SLC28A1: variants seen among roughly 807,000 people sequenced by gnomAD.
SLC28A1 encodes solute carrier family 28 member 1.
In SLC28A1, 64 loss-of-function variants were observed where a neutral mutation model predicts 74.8. The observed-to-expected ratio is 0.86, with a 90% CI of 0.70 to 1.05. The LOEUF (loss-of-function observed/expected upper bound fraction) is 1.05, where lower values mean the gene tolerates loss of function less well. Among genes scored for constraint, SLC28A1 ranks in the 50% least tolerant of loss-of-function variants. The probability of loss-of-function intolerance (pLI) is 0.00; values close to 1 mark genes in which losing one functional copy is unlikely to be tolerated. For missense variants in SLC28A1, 828 were observed against 822.8 expected (o/e 1.01, Z -0.08); for synonymous variants, 359 against 335.0 (o/e 1.07, Z -0.78).
chr15:84,921,004 C>A lies in SLC28A1; in HGVS notation c.892C>A (p.Gln298Lys). 6.2e-7 allele frequency: 1 copy of A among 1,613,874 alleles called. No homozygotes were observed. Among genetic ancestry groups the A allele is most frequent in the East Asian group, 2.2e-5 (1 of 44,884 alleles). ...TTCCTTCTAGATTGCCTGGCTGATG[C>A]AAGTCACCATGGGCACCACAGCCAC... ...WVILKIAWLM[Q>K]VTMGTTATET... is the part of the protein sequence containing the mutation. The change falls in exon 11 of 19, where the codon CAA (glutamine) becomes AAA (lysine). Residue 298 changes from glutamine to lysine, a missense_variant. Coordinates refer to ENST00000394573, the MANE Select transcript of SLC28A1 (RefSeq NM_004213.5).
At position 84,934,067 on chromosome 15, in the gene SLC28A1, G is replaced by A. The variant is rs140280179; in HGVS notation, c.1214+792G>A. On this transcript the variant is annotated intron_variant, in intron 13 of 18. Transcript: ENST00000394573. ...AGGAATGGATTCATCCATTCAGGAG[G>A]GCAGAGCCCTCATGACCCAATCACC... 4.3e-4 allele frequency among the ~76,000 whole-genome samples: 65 copies of A among 152,296 alleles called. 1 individual carries two copies. The East Asian group carries it at 0.011, about 25-fold the overall frequency.
At chr15:84,899,940 A>AAGGAAGTAAGG (rs1966437006) in intron 6 of SLC28A1, among the ~76,000 whole-genome samples, 1 of 136,816 alleles carries the variant, frequency 7.3e-6, no homozygotes, top group South Asian at 2.6e-4. Context: ...AGAAAGAAAG[A>AAGGAAGTAAGG]AAGGAAGGAA....
chr15:84,891,806 GA>G (rs991212184), intron 5 of SLC28A1, among the ~76,000 whole-genome samples: 113 of 152,314 alleles, frequency 7.4e-4, no homozygotes, highest in African/African-American at 2.4e-3. Context: ...ATCAGGCGGG[GA>G]GGCTGAATGG....
At position 84,904,182 on chromosome 15, in the gene SLC28A1, G is replaced by T. The variant is rs781536574; in HGVS notation, c.547G>T (p.Ala183Ser). 2 of 1,614,060 alleles carry T rather than the reference G, an allele frequency of 1.2e-6. No individual in the cohort carries two copies. Among genetic ancestry groups the T allele is most frequent in the African/African-American group, 2.7e-5 (2 of 74,928 alleles). Residue 183 changes from alanine (A) to serine (S), a missense_variant, in exon 7 of 19, where the codon GCA (alanine) becomes TCA (serine). Ala to Ser is a moderately conservative substitution (Grantham distance 99). This residue lies in a region of SLC28A1 where 767 missense variants were observed against 753.5 expected (regional missense o/e 1.02). Transcript: ENST00000394573. ...GCGGCCTGAGCAACTGGTGTCCTTC[G>T]CAGGAATCTGCGTGTTCGTCGCTCT... The part of the protein sequence containing the change: ...SQRPEQLVSF[A>S]GICVFVALLF...
intron 16 of SLC28A1, 97 bp downstream of exon 16, chr15:84,943,623 G>A: frequency 1.0e-6 from 1 of 995,536 alleles, no homozygotes; most frequent in South Asian, 1.3e-5. Flanking sequence ...GTCTAAAGCA[G>A]GACCCAAACA....
chr15:84,887,247 T>A (rs925165781), intron 2 of SLC28A1: 2 of 424,498 alleles, frequency 4.7e-6, no homozygotes, highest in East Asian at 3.1e-4. Flanking sequence ...GAAAGCTAGG[T>A]CCTCTCTTCA....
downstream of SLC28A1, among the ~76,000 whole-genome samples, chr15:84,950,122 AG>A (rs1233552742): frequency 6.6e-6 from 1 of 152,222 alleles, no homozygotes; most frequent in Non-Finnish European, 1.5e-5. Context: ...AAAGCCATTT[AG>A]GAAAGAGACT....
At chr15:84,964,493 T>C in the SLC28A1 span, among the ~76,000 whole-genome samples, 1 of 152,196 alleles carries the variant, frequency 6.6e-6, no homozygotes, top group Non-Finnish European at 1.5e-5. Flanking sequence ...TTACCCAATA[T>C]CAATTGCAAG....
chr15:84,909,318 C>T (rs148660508), intron 9 of SLC28A1, among the ~76,000 whole-genome samples: 3,097 of 152,334 alleles, frequency 0.02, 53 homozygotes, highest in Non-Finnish European at 0.028. Flanking sequence ...CCTCAACCTA[C>T]GATCCCACTT....
downstream of SLC28A1, among the ~76,000 whole-genome samples, chr15:84,946,016 T>A (rs55696489): frequency 5.0e-3 from 721 of 143,400 alleles, 10 homozygotes; most frequent in African/African-American, 0.017. Context: ...TGTACCACCA[T>A]GTCCAGCTAA....
the SLC28A1 span, among the ~76,000 whole-genome samples, chr15:84,951,432 A>T: frequency 1.3e-4 from 8 of 63,430 alleles, no homozygotes; most frequent in African/African-American, 2.8e-4. Context: ...TCTTAAAAAA[A>T]AATAATTAAA....
chr15:84,887,487 C>A, intron 2 of SLC28A1: 1 of 977,954 alleles, frequency 1.0e-6, no homozygotes, highest in Non-Finnish European at 1.2e-6. Flanking sequence ...AGTTGGAGGC[C>A]AGCCTGTGCA....
chr15:84,898,297 G>A (rs1158347267), intron 6 of SLC28A1, among the ~76,000 whole-genome samples: 1 of 152,152 alleles, frequency 6.6e-6, no homozygotes, highest in Non-Finnish European at 1.5e-5. Context: ...GCATGCATTT[G>A]GTCGGGTGCG....
At chr15:84,956,426 T>TC in the SLC28A1 span, among the ~76,000 whole-genome samples, 1 of 128,830 alleles carries the variant, frequency 7.8e-6, no homozygotes, top group African/African-American at 3.3e-5. Context: ...TCCTTCCTTC[T>TC]TTCTCTTCCT....
intron 15 of SLC28A1, 44 bp from the exon 16 acceptor site, chr15:84,943,401 C>A: frequency 7.0e-7 from 1 of 1,420,528 alleles, no homozygotes; most frequent in South Asian, 1.1e-5. Flanking sequence ...TGCCCCAGGC[C>A]CATCTGAGGG....
the SLC28A1 span, among the ~76,000 whole-genome samples, chr15:84,962,909 C>T: frequency 6.6e-6 from 1 of 152,110 alleles, no homozygotes; most frequent in Non-Finnish European, 1.5e-5. Flanking sequence ...AGAGCTTTCG[C>T]CCCTCCCTCA....
chr15:84,969,944 A>G, the SLC28A1 span, among the ~76,000 whole-genome samples: 32 of 152,240 alleles, frequency 2.1e-4, no homozygotes, highest in African/African-American at 6.5e-4. Flanking sequence ...GGATTTGACT[A>G]ATGGCCTAAT....
downstream of SLC28A1, among the ~76,000 whole-genome samples, chr15:84,948,958 A>G (rs532647893): frequency 2.0e-5 from 3 of 152,282 alleles, no homozygotes; most frequent in Admixed American, 1.3e-4. Context: ...GTCTCATCTC[A>G]TATGTATATC....
intron 12 of SLC28A1, among the ~76,000 whole-genome samples, chr15:84,930,823 G>T (rs573913510): frequency 5.5e-4 from 83 of 151,366 alleles, no homozygotes; most frequent in Non-Finnish European, 1.1e-3. Context: ...GGGCTGGAGT[G>T]CAATAGTGCG....
Sources: allele counts gnomAD v4.1 joint callset (sites outside exome capture counted in the v4.1 genomes callset), GRCh38; gene constraint gnomAD v4.1.1; regional missense constraint gnomAD v4.1.1; transcripts MANE v1.5; gene names NCBI Gene and HGNC (gene_info 2026-07-23, HGNC 2026-07-21).